The following RBMS3 variants were observed in gnomAD, a reference collection of about 807,000 sequenced individuals.
The protein encoded by RBMS3 is RNA-binding motif, single-stranded-interacting protein 3.
A neutral mutation model predicts 66.8 loss-of-function variants in RBMS3; 27 were observed. That is an observed-to-expected ratio of 0.40 (90% CI 0.30 to 0.56). RBMS3 has a LOEUF of 0.56. Among genes scored for constraint, RBMS3 ranks in the 20% least tolerant of loss-of-function variants. The pLI is 0.40. For missense variants in RBMS3, 513 were observed against 549.5 expected (o/e 0.93, Z 0.66); for synonymous variants, 188 against 183.0 (o/e 1.03, Z -0.22).
In RBMS3 at chr3:29,681,338, T is replaced by G. The variant is rs114420377; in HGVS notation, c.400-58382T>G. ...TGCTGACTGATCTATAACTTTATTTTTTTTTCTTCAGCTTTTATTTTAAGT... is the reference window on the plus strand; with the variant it reads ...TGCTGACTGATCTATAACTTTATTTGTTTTTCTTCAGCTTTTATTTTAAGT... On this transcript the variant is annotated intron_variant, in intron 4 of 14. Coordinates refer to ENST00000383767, the MANE Select transcript of RBMS3 (RefSeq NM_001003793.3). 9.3e-3 allele frequency among the ~76,000 whole-genome samples: 1,418 copies of G among 152,332 alleles called. 36 individuals carry two copies. Among genetic ancestry groups the G allele is most frequent in the African/African-American group, 0.032 (1,323 of 41,570 alleles).
chr3:29,760,565 G>T (rs1423159482), intron 5 of RBMS3, among the ~76,000 whole-genome samples: 1 of 151,842 alleles, frequency 6.6e-6, no homozygotes, highest in South Asian at 2.1e-4. Flanking sequence ...AGGAGAGAAG[G>T]TTATTTTCCC....
chr3:29,854,193 G>A (rs538414285), intron 6 of RBMS3, among the ~76,000 whole-genome samples: 3 of 152,204 alleles, frequency 2.0e-5, no homozygotes, highest in South Asian at 4.2e-4. Context: ...GTCCCTCCCC[G>A]CGTCCCTGCA....
intron 3 of RBMS3, among the ~76,000 whole-genome samples, chr3:29,536,866 G>A (rs1322992462): frequency 6.6e-6 from 1 of 152,230 alleles, no homozygotes; most frequent in Non-Finnish European, 1.5e-5. Flanking sequence ...TAAAATATGA[G>A]AATTAGGCTG....
intron 6 of RBMS3, among the ~76,000 whole-genome samples, chr3:29,812,615 T>A (rs768534090): frequency 6.6e-6 from 1 of 152,174 alleles, no homozygotes; most frequent in South Asian, 2.1e-4. Flanking sequence ...AAACTTGGAA[T>A]GGAAGGCATA....
At chr3:29,950,401 A>G (rs915357932) in intron 12 of RBMS3, among the ~76,000 whole-genome samples, 6 of 151,846 alleles carry the variant, frequency 4.0e-5, no homozygotes, top group African/African-American at 1.4e-4. Flanking sequence ...AGCACTTTCA[A>G]GACAACAATG....
intron 1 of RBMS3, among the ~76,000 whole-genome samples, chr3:29,334,508 A>AT (rs553535285): frequency 1.7e-4 from 26 of 151,186 alleles, no homozygotes; most frequent in Middle Eastern, 3.2e-3. Flanking sequence ...TAATAGTTTA[A>AT]TTTTTTTTTG....
intron 3 of RBMS3, among the ~76,000 whole-genome samples, chr3:29,563,544 G>T (rs944187536): frequency 6.6e-6 from 1 of 152,018 alleles, no homozygotes; most frequent in African/African-American, 2.4e-5. Context: ...CAAAAAAGGA[G>T]CCCATAGTAC....
intron 4 of RBMS3, among the ~76,000 whole-genome samples, chr3:29,667,502 A>G (rs2050816234): frequency 6.6e-6 from 1 of 152,170 alleles, no homozygotes; most frequent in Non-Finnish European, 1.5e-5. Flanking sequence ...TCTCATGCAA[A>G]TAGTTTGAGA....
intron 3 of RBMS3, among the ~76,000 whole-genome samples, chr3:29,585,617 C>T: frequency 6.6e-6 from 1 of 152,116 alleles, no homozygotes; most frequent in Admixed American, 6.6e-5. Flanking sequence ...AGCACAGCAA[C>T]CGACATGTGA....
chr3:29,445,750 C>G (rs989216824), intron 2 of RBMS3, among the ~76,000 whole-genome samples: 2 of 152,026 alleles, frequency 1.3e-5, no homozygotes, highest in African/African-American at 4.8e-5. Context: ...AAAAATTATC[C>G]TTAAAAAGAA....
At chr3:29,831,565 A>G (rs1355518991) in intron 6 of RBMS3, among the ~76,000 whole-genome samples, 1 of 152,156 alleles carries the variant, frequency 6.6e-6, no homozygotes, top group African/African-American at 2.4e-5. Flanking sequence ...AAATAATTAT[A>G]TGAAAACTCA....
intron 4 of RBMS3, among the ~76,000 whole-genome samples, chr3:29,700,492 C>G (rs928860850): frequency 1.3e-5 from 2 of 152,122 alleles, no homozygotes; most frequent in African/African-American, 4.8e-5. Flanking sequence ...TATACAAATA[C>G]TCAGCTGGCT....
chr3:29,294,401 C>A (rs769580511), intron 1 of RBMS3, among the ~76,000 whole-genome samples: 5 of 150,858 alleles, frequency 3.3e-5, no homozygotes, highest in African/African-American at 4.9e-5. Flanking sequence ...ATGGGAAAAA[C>A]CATAAAACAC....
At chr3:29,406,670 C>T (rs1201151663) in intron 1 of RBMS3, among the ~76,000 whole-genome samples, 1 of 152,082 alleles carries the variant, frequency 6.6e-6, no homozygotes, top group Non-Finnish European at 1.5e-5. Flanking sequence ...TTTTTTGTAA[C>T]CCTAAGCTAA....
chr3:29,341,181 T>C (rs898033716), intron 1 of RBMS3, among the ~76,000 whole-genome samples: 9 of 152,084 alleles, frequency 5.9e-5, no homozygotes, highest in African/African-American at 1.2e-4. Flanking sequence ...GTTATACGTA[T>C]GCAGATATAA....
intron 1 of RBMS3, among the ~76,000 whole-genome samples, chr3:29,392,169 G>T (rs2039329502): frequency 6.6e-6 from 1 of 152,162 alleles, no homozygotes; most frequent in Non-Finnish European, 1.5e-5. Flanking sequence ...AGAATCACTT[G>T]AACCCGGGAG....
At position 29,580,092 on chromosome 3, in the gene RBMS3, A is replaced by G; in HGVS notation, c.308-7022A>G. ...GTGTTCCATTTTCAAGTGCCGTACT[A>G]CTAAATACTTTGCTCTCTAAATTTG... On this transcript the variant is annotated intron_variant, in intron 3 of 14. Transcript: ENST00000383767. 1.3e-5 allele frequency among the ~76,000 whole-genome samples: 2 copies of G among 152,208 alleles called. 1 individual carries two copies. The highest frequency in any genetic ancestry group is 3.9e-4 in the East Asian group (2 of 5,190).
At position 29,569,965 on chromosome 3, in the gene RBMS3, C is replaced by T. The variant is rs1307786508; in HGVS notation, c.308-17149C>T. 9.1e-5 allele frequency among the ~76,000 whole-genome samples: 5 copies of T among 54,972 alleles called. No homozygotes were observed. In the Admixed American group the frequency reaches 1.2e-3, roughly 13 times the overall value. 36.1% of individuals were successfully genotyped at this position (54,972 alleles called of 152,430 possible). A position where few individuals can be genotyped will look rare whatever the true frequency, so the allele number is the denominator to read the frequency against. The stretch of plus-strand genomic sequence containing the variant: ...GATTATAGAGATCCATATTTACCGA[C>T]CAAGAAAAGCAGTTGCTTAGGGAAA... On this transcript the variant is annotated intron_variant, in intron 3 of 14. Coordinates refer to ENST00000383767, the MANE Select transcript of RBMS3 (RefSeq NM_001003793.3).
At chr3:29,977,201 A>G (rs1003359968) in intron 12 of RBMS3, among the ~76,000 whole-genome samples, 3 of 152,158 alleles carry the variant, frequency 2.0e-5, no homozygotes, top group Admixed American at 6.6e-5. Context: ...TAAAATTTAA[A>G]TGGTACAATG....
Sources: gnomAD v4.1 joint callset for allele counts (sites outside exome capture counted in the v4.1 genomes callset) on GRCh38, gnomAD v4.1.1 for gene constraint, MANE v1.5 for transcripts, NCBI Gene and HGNC (gene_info 2026-07-23, HGNC 2026-07-21) for gene names.